The following MTHFD1L variants were observed in gnomAD, a reference collection of about 807,000 sequenced individuals.
The protein encoded by MTHFD1L is monofunctional C1-tetrahydrofolate synthase, mitochondrial.
In MTHFD1L, 81 loss-of-function variants were observed where a neutral mutation model predicts 119.5. The ratio of observed to expected loss-of-function variants is 0.68; its 90% CI spans 0.57 to 0.82. The LOEUF is 0.82. Among genes scored for constraint, MTHFD1L ranks in the 40% least tolerant of loss-of-function variants. The pLI is 0.00. For synonymous variants in MTHFD1L, 430 were observed against 475.2 expected (o/e 0.90, Z 1.24); for missense variants, 1,125 against 1,253.4 (o/e 0.90, Z 1.55).
intron 10 of MTHFD1L, among the ~76,000 whole-genome samples, chr6:150,923,644 C>A (rs566751927): frequency 1.4e-5 from 2 of 144,476 alleles, no homozygotes; most frequent in South Asian, 2.3e-4. Context: ...GCTGGGATTA[C>A]AAGCATGAGC....
intron 26 of MTHFD1L, among the ~76,000 whole-genome samples, chr6:151,045,669 C>T (rs1431700034): frequency 6.6e-6 from 1 of 152,166 alleles, no homozygotes; most frequent in Non-Finnish European, 1.5e-5. Context: ...TCCTTTGTCT[C>T]CCATCCTGGG....
chr6:150,975,313 A>G (rs917035713), intron 20 of MTHFD1L, among the ~76,000 whole-genome samples: 2 of 152,210 alleles, frequency 1.3e-5, no homozygotes, highest in Admixed American at 1.3e-4. Flanking sequence ...TGGTGTGTCC[A>G]TGCTGTGGCT....
Position 151,029,329 on chromosome 6 carries a change from A to G in MTHFD1L, c.2587-5164A>G, listed in dbSNP as rs1311142123. The stretch of plus-strand genomic sequence containing the variant: ...CCAGCTGTTCGGGAGGCTGAGGCAG[A>G]AAGAATTGCTTGACCCAGAAGGCAG... On this transcript the variant is annotated intron_variant, in intron 24 of 27. Coordinates refer to ENST00000367321, the MANE Select transcript of MTHFD1L (RefSeq NM_015440.5). Among the ~76,000 whole-genome samples, 5 of 150,654 alleles carry G rather than the reference A, an allele frequency of 3.3e-5. No homozygotes were observed. The East Asian group carries it at 9.8e-4, about 30-fold the overall frequency.
At chr6:151,070,785 A>T (rs1027825738) in intron 26 of MTHFD1L, among the ~76,000 whole-genome samples, 1 of 152,342 alleles carries the variant, frequency 6.6e-6, no homozygotes. Context: ...GTTTTGTGTA[A>T]TGTTTGGGTA....
At chr6:150,982,124 G>A (rs910302088) in intron 20 of MTHFD1L, among the ~76,000 whole-genome samples, 2 of 151,390 alleles carry the variant, frequency 1.3e-5, no homozygotes, top group African/African-American at 4.9e-5. Flanking sequence ...GGGAGAGGGG[G>A]AGAGAGAGAG....
At chr6:151,030,241 T>A (rs1367394822) in intron 24 of MTHFD1L, among the ~76,000 whole-genome samples, 1 of 152,246 alleles carries the variant, frequency 6.6e-6, no homozygotes, top group Non-Finnish European at 1.5e-5. Context: ...GCATTCTCTC[T>A]GAGCCCTTCT....
intron 27 of MTHFD1L, among the ~76,000 whole-genome samples, chr6:151,093,966 C>T (rs1364375289): frequency 1.3e-5 from 2 of 152,156 alleles, no homozygotes; most frequent in Non-Finnish European, 2.9e-5. Context: ...TTCATGTCCA[C>T]GCCACAGCAC....
At chr6:150,896,959 A>G (rs1439831159) in intron 7 of MTHFD1L, among the ~76,000 whole-genome samples, 1 of 151,944 alleles carries the variant, frequency 6.6e-6, no homozygotes, top group Non-Finnish European at 1.5e-5. Context: ...AAAAAATACA[A>G]AAACAAAATT....
At chr6:150,866,229 G>T in intron 1 of MTHFD1L, 180 bp downstream of exon 1, 1 of 1,384,894 alleles carries the variant, frequency 7.2e-7, no homozygotes, top group Non-Finnish European at 9.4e-7. Flanking sequence ...GGCCGGGAGC[G>T]CTGGCGGAGA....
intron 26 of MTHFD1L, among the ~76,000 whole-genome samples, chr6:151,037,438 A>G (rs1786347822): frequency 6.6e-6 from 1 of 152,064 alleles, no homozygotes; most frequent in Non-Finnish European, 1.5e-5. Flanking sequence ...GTGGTTGTCA[A>G]CCTTTATCAC....
chr6:151,018,323 G>A (rs1473993338), intron 24 of MTHFD1L, among the ~76,000 whole-genome samples: 1 of 152,192 alleles, frequency 6.6e-6, no homozygotes, highest in Non-Finnish European at 1.5e-5. Flanking sequence ...CAAGAGCTTA[G>A]CAGCGTTGTT....
chr6:151,088,914 G>C (rs901719243), intron 26 of MTHFD1L, among the ~76,000 whole-genome samples: 3 of 152,202 alleles, frequency 2.0e-5, no homozygotes, highest in Admixed American at 6.5e-5. Context: ...GGGTTTTCTT[G>C]TTTGTAAAGA....
intron 7 of MTHFD1L, among the ~76,000 whole-genome samples, chr6:150,904,920 G>A (rs1785636446): frequency 6.6e-6 from 1 of 151,940 alleles, no homozygotes; most frequent in South Asian, 2.1e-4. Context: ...GCTCCTGAAA[G>A]TCCTTTCATG....
At chr6:151,055,267 G>GAAA (rs536961476) in intron 26 of MTHFD1L, among the ~76,000 whole-genome samples, 3 of 144,682 alleles carry the variant, frequency 2.1e-5, no homozygotes, top group Non-Finnish European at 1.5e-5. Flanking sequence ...CCGTCTCAAG[G>GAAA]AAAAAAAAAA....
chr6:151,024,294 C>G (rs1229618955), intron 24 of MTHFD1L, among the ~76,000 whole-genome samples: 1 of 152,158 alleles, frequency 6.6e-6, no homozygotes, highest in Non-Finnish European at 1.5e-5. Context: ...AATCCTAGCA[C>G]TTAGGGAGGC....
chr6:151,088,639 T>TC (rs1470231661), intron 26 of MTHFD1L, among the ~76,000 whole-genome samples: 1 of 151,036 alleles, frequency 6.6e-6, no homozygotes, highest in East Asian at 1.9e-4. Context: ...TTTTTTTTTT[T>TC]TTTGTATTTG....
intron 24 of MTHFD1L, among the ~76,000 whole-genome samples, chr6:151,025,940 C>A (rs948639122): frequency 6.6e-6 from 1 of 152,164 alleles, no homozygotes; most frequent in African/African-American, 2.4e-5. Flanking sequence ...ATGAGACGCC[C>A]CTACTACGTT....
chr6:151,058,442 C>T lies in MTHFD1L; in HGVS notation c.2847+21325C>T, dbSNP rs150728289. Among the ~76,000 whole-genome samples the T allele has an allele frequency of 5.4e-4, 82 of 152,324 alleles. No individual in the cohort carries two copies. The East Asian group carries it at 8.1e-3, about 15-fold the overall frequency. ...GTACACTGTACAGAAATGTGTTTTG[C>T]TTGCTTTGAAGGATGACCTACTGGC... On this transcript the variant is annotated intron_variant, in intron 26 of 27. Transcript: ENST00000367321.
chr6:151,029,259 A>G (rs1011795958), intron 24 of MTHFD1L, among the ~76,000 whole-genome samples: 1 of 150,590 alleles, frequency 6.6e-6, no homozygotes, highest in African/African-American at 2.4e-5. Flanking sequence ...CATCTCTACT[A>G]AAAATACAAA....
Sources: gnomAD v4.1 joint callset for allele counts (sites outside exome capture counted in the v4.1 genomes callset) on GRCh38, gnomAD v4.1.1 for gene constraint, MANE v1.5 for transcripts, NCBI Gene and HGNC (gene_info 2026-07-23, HGNC 2026-07-21) for gene names.